The following OR7C1 variants were observed in gnomAD, a reference collection of about 807,000 sequenced individuals.
OR7C1 encodes the protein olfactory receptor 7C1.
For missense variants in OR7C1, 324 were observed against 383.3 expected (o/e 0.85, Z 1.29); for synonymous variants, 152 against 160.7 (o/e 0.95, Z 0.41).
At chr19:14,819,148 T>C (rs1249815861) in intron 1 of OR7C1, among the ~76,000 whole-genome samples, 1 of 151,900 alleles carries the variant, frequency 6.6e-6, no homozygotes, top group Non-Finnish European at 1.5e-5. Context: ...CAATCAGATC[T>C]ATTTTTTTTA....
At chr19:14,833,463 G>A (rs1022171502) in intron 1 of OR7C1, among the ~76,000 whole-genome samples, 1 of 152,168 alleles carries the variant, frequency 6.6e-6, no homozygotes, top group Non-Finnish European at 1.5e-5. Flanking sequence ...TGGTTGACAG[G>A]GCGAGACTCC....
At chr19:14,816,794 G>A (rs917458095) in intron 1 of OR7C1, among the ~76,000 whole-genome samples, 3 of 152,164 alleles carry the variant, frequency 2.0e-5, no homozygotes, top group Non-Finnish European at 4.4e-5. Flanking sequence ...AATAGAAGGT[G>A]CTAGGAGGTT....
At chr19:14,804,554 T>G (rs193126751) in intron 2 of OR7C1, among the ~76,000 whole-genome samples, 74 of 150,350 alleles carry the variant, frequency 4.9e-4, no homozygotes, top group South Asian at 1.0e-3. Flanking sequence ...AAAGAATAAT[T>G]AATTAGTAGA....
chr19:14,820,783 C>T (rs1002263158), intron 1 of OR7C1, among the ~76,000 whole-genome samples: 21 of 152,104 alleles, frequency 1.4e-4, no homozygotes, highest in African/African-American at 5.1e-4. Flanking sequence ...GCAGGATTTT[C>T]TAAAGTATGG....
At chr19:14,812,028 G>A (rs1201940483) in intron 1 of OR7C1, among the ~76,000 whole-genome samples, 2 of 151,282 alleles carry the variant, frequency 1.3e-5, no homozygotes, top group Admixed American at 6.6e-5. Flanking sequence ...TTCCTGGTGT[G>A]TGTTGTTCAG....
intron 1 of OR7C1, chr19:14,827,893 C>G (rs202108745): frequency 1.2e-6 from 2 of 1,614,072 alleles, no homozygotes; most frequent in Non-Finnish European, 1.7e-6. Context: ...TAGGCCATCA[C>G]GGACAGGAGG....
exon 5 of OR7C1, chr19:14,799,916 G>A: frequency 6.2e-7 from 1 of 1,614,174 alleles, no homozygotes. Flanking sequence ...AGTCGTGGAG[G>A]TAAAACAGAG....
In OR7C1 at chr19:14,805,434, T is replaced by A. The variant is rs1026528779; in HGVS notation, c.-435+4372A>T. Among the ~76,000 whole-genome samples the A allele has an allele frequency of 4.2e-3, 541 of 127,914 alleles. 10 individuals are homozygous for A. Among genetic ancestry groups the A allele is most frequent in the African/African-American group, 0.016 (522 of 32,406 alleles). 83.9% of individuals were successfully genotyped at this position (127,914 alleles called of 152,430 possible). A position where few individuals can be genotyped will look rare whatever the true frequency, so the allele number is the denominator to read the frequency against. On this transcript the variant is annotated intron_variant, in intron 2 of 4. Coordinates refer to ENST00000641666, the Ensembl canonical transcript of OR7C1. ...TTTTTTTTTTTTTTTTTTTTTTTTT[T>A]AGACAGAATCTCACTCTGTCACCCA...
intron 1 of OR7C1, among the ~76,000 whole-genome samples, chr19:14,833,421 G>A (rs1307965018): frequency 6.6e-6 from 1 of 152,234 alleles, no homozygotes; most frequent in Non-Finnish European, 1.5e-5. Flanking sequence ...GAAGGTTGCA[G>A]TGAGCCAAGA....
chr19:14,833,434 G>A (rs12976978), intron 1 of OR7C1, among the ~76,000 whole-genome samples: 3 of 152,252 alleles, frequency 2.0e-5, no homozygotes, highest in East Asian at 1.9e-4. Context: ...AGCCAAGATC[G>A]CACCACTGCA....
intron 2 of OR7C1, among the ~76,000 whole-genome samples, chr19:14,807,840 G>A (rs1212707620): frequency 6.6e-6 from 1 of 151,452 alleles, no homozygotes; most frequent in East Asian, 1.9e-4. Flanking sequence ...AGCTTGCAGT[G>A]AGCCGAGATT....
At chr19:14,831,679 G>A (rs1459565745) in intron 1 of OR7C1, among the ~76,000 whole-genome samples, 4 of 151,912 alleles carry the variant, frequency 2.6e-5, no homozygotes, top group Non-Finnish European at 5.9e-5. Context: ...TCCTGACCTC[G>A]TGATCCGCCT....
chr19:14,820,731 G>A (rs944581533), intron 1 of OR7C1, among the ~76,000 whole-genome samples: 2 of 152,200 alleles, frequency 1.3e-5, no homozygotes, highest in Non-Finnish European at 2.9e-5. Context: ...AGTCCCCAGA[G>A]GTAAGTCATA....
intron 1 of OR7C1, among the ~76,000 whole-genome samples, chr19:14,822,901 A>G (rs964282902): frequency 2.0e-5 from 3 of 148,410 alleles, no homozygotes; most frequent in African/African-American, 7.5e-5. Flanking sequence ...TTTCTTCTAT[A>G]TTGGGATATT....
Position 14,799,903 on chromosome 19 carries a change from G to A in OR7C1, c.234C>T (p.Val78=), listed in dbSNP as rs373476340. Residue 78 remains valine (V), a synonymous_variant, in exon 5 of 5, where the codon GTC becomes GTT. Transcript: ENST00000641666. ...TCAGTATATTCAGTAACATCTTTGG[G>A]ACAGTCGTGGAGGTAAAACAGAGGT... is the stretch of plus-strand genomic sequence containing the variant. 3.7e-6 allele frequency: 6 copies of A among 1,614,028 alleles called. No homozygotes were observed. In the African/African-American group the frequency reaches 6.7e-5, roughly 18 times the overall value.
chr19:14,805,635 G>A (rs140237190), intron 2 of OR7C1, among the ~76,000 whole-genome samples: 1,739 of 151,598 alleles, frequency 0.011, 54 homozygotes, highest in African/African-American at 0.039. Flanking sequence ...GGCTGGTCTC[G>A]AACTCCTGAC....
intron 1 of OR7C1, chr19:14,827,170 A>G (rs2044775726): frequency 1.7e-6 from 2 of 1,155,854 alleles, no homozygotes; most frequent in Middle Eastern, 2.2e-4. Flanking sequence ...TGAAATCACA[A>G]CAAATTGAAA....
At chr19:14,800,276 C>T in exon 4 of OR7C1, 1 of 931,668 alleles carries the variant, frequency 1.1e-6, no homozygotes, top group Non-Finnish European at 1.6e-6. Context: ...CTGTCTTTTT[C>T]TGGGGCATCT....
intron 1 of OR7C1, among the ~76,000 whole-genome samples, chr19:14,818,456 T>C (rs2044726903): frequency 6.6e-6 from 1 of 152,178 alleles, no homozygotes; most frequent in African/African-American, 2.4e-5. Context: ...AAAAATATGT[T>C]TATTTAATAA....
Sources: allele counts gnomAD v4.1 joint callset (sites outside exome capture counted in the v4.1 genomes callset), GRCh38; gene constraint gnomAD v4.1.1; transcripts MANE v1.5; gene names NCBI Gene and HGNC (gene_info 2026-07-23, HGNC 2026-07-21).